The following AP5M1 variants were observed in gnomAD, a reference collection of about 807,000 sequenced individuals.
AP5M1 encodes AP-5 complex subunit mu-1.
Under a neutral mutation model 52.3 loss-of-function variants are expected in AP5M1, and 44 were observed. The observed-to-expected ratio is 0.84, with a 90% CI of 0.66 to 1.08. The LOEUF is 1.08. AP5M1 is among the 50% of genes least tolerant of loss of function. AP5M1 has a pLI of 0.00. For synonymous variants in AP5M1, 213 were observed against 199.0 expected, an observed-to-expected ratio of 1.07 and a Z score of -0.59; for missense variants, 526 against 568.4, an observed-to-expected ratio of 0.93 and a Z score of 0.76.
At position 57,290,345 on chromosome 14, in the gene AP5M1, T is replaced by C. The variant is rs1166874874; in HGVS notation, c.*1461T>C. 6.6e-6 allele frequency: 1 copy of C among 152,008 alleles called. No individual in the cohort carries two copies. Among genetic ancestry groups the C allele is most frequent in the Non-Finnish European group, 1.5e-5 (1 of 67,926 alleles). The allele number at this position is 152,008 out of a possible 1,614,324, so 9.4% of individuals were successfully genotyped here. On this transcript the variant is annotated 3_prime_UTR_variant, in exon 8 of 8. Coordinates refer to ENST00000261558, the MANE Select transcript of AP5M1 (RefSeq NM_018229.4). ...CAGGATTTTAACTTGTTATTCTAGC[T>C]TAATCATAGATAATCAGCAGTGAAA...
chr14:57,295,934 A>C lies in AP5M1; in HGVS notation c.*7050A>C, dbSNP rs1032374256. 2.0e-5 allele frequency: 3 copies of C among 152,006 alleles called. No individual in the cohort carries two copies. The highest frequency in any genetic ancestry group is 7.2e-5 in the African/African-American group (3 of 41,432). The allele number at this position is 152,006 out of a possible 1,614,324, so 9.4% of individuals were successfully genotyped here. A position where few individuals can be genotyped will look rare whatever the true frequency, so the allele number is the denominator to read the frequency against. On this transcript the variant is annotated 3_prime_UTR_variant, in exon 8 of 8. Coordinates refer to ENST00000261558, the MANE Select transcript of AP5M1 (RefSeq NM_018229.4). Reference sequence around the variant, plus strand: ...GGAGAAATACCGGTTGATTATTGTGATAACTTTTGAGAGCTACAGTTATTT... The same window carrying C: ...GGAGAAATACCGGTTGATTATTGTGCTAACTTTTGAGAGCTACAGTTATTT...
chr14:57,291,008 A>G lies in AP5M1; in HGVS notation c.*2124A>G, dbSNP rs773889362. The G allele has an allele frequency of 3.3e-5, 5 of 151,902 alleles. No individual in the cohort carries two copies. Among genetic ancestry groups the G allele is most frequent in the Non-Finnish European group, 7.4e-5 (5 of 67,872 alleles). 9.4% of individuals were successfully genotyped at this position (151,902 alleles called of 1,614,324 possible). On this transcript the variant is annotated 3_prime_UTR_variant, in exon 8 of 8. Coordinates refer to ENST00000261558, the MANE Select transcript of AP5M1 (RefSeq NM_018229.4). ...TTCTTCAGAGTCCGTTGCCACAATT[A>G]AAGAAGAAACAGCTGCATTTCAAAG...
chr14:57,285,992 C>T (rs1195633070), intron 6 of AP5M1, among the ~76,000 whole-genome samples: 1 of 151,944 alleles, frequency 6.6e-6, no homozygotes, highest in Non-Finnish European at 1.5e-5. Context: ...TTAAGTACTT[C>T]ATAATGACAG....
chr14:57,270,422 A>G (rs955613365), intron 1 of AP5M1, among the ~76,000 whole-genome samples: 9 of 152,200 alleles, frequency 5.9e-5, no homozygotes. Context: ...GTGAAGTAGT[A>G]CCATAGTAGA....
In AP5M1 at chr14:57,274,596, T is replaced by C. The variant is rs1287177657; in HGVS notation, c.427T>C (p.Tyr143His). Residue 143 changes from tyrosine (Y) to histidine (H), a missense_variant, in exon 2 of 8, where the codon TAT (tyrosine) becomes CAT (histidine). Tyr to His is a moderately conservative substitution (Grantham distance 83). Transcript: ENST00000261558. ...TCTTTTTGGGATACAGGATTTTCTT[T>C]ATTCAGGTCAAAAAAATGACTCTGA... ...EFLFGIQDFLYSGQKNDSELN... is the reference protein window; with the variant it reads ...EFLFGIQDFLHSGQKNDSELN... The C allele has an allele frequency of 2.5e-6, 4 of 1,614,100 alleles. No homozygotes were observed. The Admixed American group carries it at 6.7e-5, about 27-fold the overall frequency.
At position 57,282,923 on chromosome 14, in the gene AP5M1, T is replaced by C. The variant is rs1885217706; in HGVS notation, c.1089-11T>C. 2.6e-6 allele frequency: 4 copies of C among 1,542,590 alleles called. No individual in the cohort carries two copies. The highest frequency in any genetic ancestry group is 2.6e-6 in the Non-Finnish European group (3 of 1,136,044). The stretch of plus-strand genomic sequence containing the variant: ...ATGATCTTTTTCTATTTTATCCTTT[T>C]CTTTTTAAAGAGGTCCAATTACACA... On this transcript the variant is annotated splice_polypyrimidine_tract_variant and intron_variant, in intron 4 of 7. Transcript: ENST00000261558.
chr14:57,285,312 C>T (rs185218037), intron 6 of AP5M1, among the ~76,000 whole-genome samples: 1 of 152,254 alleles, frequency 6.6e-6, no homozygotes, highest in African/African-American at 2.4e-5. Context: ...CATTCTATGT[C>T]CTTCAAAAGT....
chr14:57,288,866 T>A lies in AP5M1; in HGVS notation c.1455T>A (p.Tyr485Ter). The A allele has an allele frequency of 6.4e-7, 1 of 1,556,568 alleles. No individual in the cohort carries two copies. The highest frequency in any genetic ancestry group is 8.8e-7 in the Non-Finnish European group (1 of 1,132,226). ...CTAAAGCCCCTGCTCCAGTAACATATGGATCATTATTATTGTAATAGTCTC... is the reference window on the plus strand; with the variant it reads ...CTAAAGCCCCTGCTCCAGTAACATAAGGATCATTATTATTGTAATAGTCTC... ...WNSKAPAPVTYGSLLL is the reference protein window; with the variant it reads ...WNSKAPAPVT The change falls in exon 8 of 8, where the codon TAT becomes TAA. Residue 485 changes from tyrosine to a stop codon, truncating the protein, a stop_gained. Transcript: ENST00000261558. LOFTEE classifies it high-confidence loss of function.
intron 1 of AP5M1, 92 bp downstream of exon 1, chr14:57,269,480 G>C: frequency 7.9e-7 from 1 of 1,269,190 alleles, no homozygotes; most frequent in Non-Finnish European, 1.1e-6. Flanking sequence ...GGTTTGCCAC[G>C]AATAGCTGCG....
At position 57,290,979 on chromosome 14, in the gene AP5M1, T is replaced by C. The variant is rs1214847508; in HGVS notation, c.*2095T>C. 1 of 151,922 alleles carries C rather than the reference T, an allele frequency of 6.6e-6. No homozygotes were observed. The highest frequency in any genetic ancestry group is 2.4e-5 in the African/African-American group (1 of 41,414). 9.4% of individuals were successfully genotyped at this position (151,922 alleles called of 1,614,324 possible). On this transcript the variant is annotated 3_prime_UTR_variant, in exon 8 of 8. Coordinates refer to ENST00000261558, the MANE Select transcript of AP5M1 (RefSeq NM_018229.4). ...TTACTCATCTTTAAGGCTGGACCTTTCCTTTCTTCAGAGTCCGTTGCCACA... is the reference window on the plus strand; with the variant it reads ...TTACTCATCTTTAAGGCTGGACCTTCCCTTTCTTCAGAGTCCGTTGCCACA...
chr14:57,277,450 C>A (rs183379114), intron 2 of AP5M1, among the ~76,000 whole-genome samples: 1 of 152,194 alleles, frequency 6.6e-6, no homozygotes, highest in African/African-American at 2.4e-5. Context: ...AACTACTTTT[C>A]ATTTATTCTT....
At chr14:57,280,766 G>C (rs539888412) in intron 3 of AP5M1, among the ~76,000 whole-genome samples, 1 of 151,820 alleles carries the variant, frequency 6.6e-6, no homozygotes, top group South Asian at 2.1e-4. Context: ...CAGGAGAATC[G>C]CTTGAACCCA....
Position 57,283,119 on chromosome 14 carries a change from GT to G in AP5M1, c.1184del (p.Phe395SerfsTer13). ...SLLIWIIGQK[F>X]PKSMEISLSG... is the part of the protein sequence containing the mutation. ...GGTATATTTGTGTTTTAGGCCAGAA[GT>G]TCCCAAAATCAATGGAAATTAGTCT... is the stretch of plus-strand genomic sequence containing the variant. On this transcript the variant is annotated frameshift_variant, in exon 6 of 8. Transcript: ENST00000261558. LOFTEE classifies it high-confidence loss of function. 6.2e-7 allele frequency: 1 copy of G among 1,611,234 alleles called. No individual in the cohort carries two copies. The highest frequency in any genetic ancestry group is 8.5e-7 in the Non-Finnish European group (1 of 1,178,880).
intron 3 of AP5M1, among the ~76,000 whole-genome samples, chr14:57,281,390 G>A (rs892941790): frequency 2.6e-5 from 4 of 152,184 alleles, no homozygotes; most frequent in Non-Finnish European, 4.4e-5. Context: ...CTTAAGTAGA[G>A]CAAATTTATT....
At chr14:57,279,278 A>G (rs1185069597) in intron 2 of AP5M1, among the ~76,000 whole-genome samples, 2 of 152,204 alleles carry the variant, frequency 1.3e-5, no homozygotes, top group East Asian at 1.9e-4. Flanking sequence ...TGGAATCAAC[A>G]TAAGTGCCTA....
chr14:57,291,872 T>A lies in AP5M1; in HGVS notation c.*2988T>A, dbSNP rs1181035259. The stretch of plus-strand genomic sequence containing the variant: ...CCTGGGAGCTAGGTAGGTGGAATTA[T>A]CATCCAGGCCTTCTGTAGGGACTGC... On this transcript the variant is annotated 3_prime_UTR_variant, in exon 8 of 8. Coordinates refer to ENST00000261558, the MANE Select transcript of AP5M1 (RefSeq NM_018229.4). 1 of 151,778 alleles carries A rather than the reference T, an allele frequency of 6.6e-6. No individual in the cohort carries two copies. The highest frequency in any genetic ancestry group is 2.4e-5 in the African/African-American group (1 of 41,388). 9.4% of individuals were successfully genotyped at this position (151,778 alleles called of 1,614,324 possible). A position where few individuals can be genotyped will look rare whatever the true frequency, so the allele number is the denominator to read the frequency against.
chr14:57,282,002 C>A, intron 3 of AP5M1, 87 bp from the exon 4 acceptor site: 1 of 1,152,144 alleles, frequency 8.7e-7, no homozygotes, highest in Non-Finnish European at 1.2e-6. Context: ...ATCTCCAAGT[C>A]ATTAAAAGTA....
In AP5M1 at chr14:57,273,599, C is replaced by G. The variant is rs1027564812; in HGVS notation, c.75-645C>G. ...ATTAGTAACTGCTTACAGTTCAACT[C>G]AGAATATGCAAAAACATTCTGATTT... On this transcript the variant is annotated intron_variant, in intron 1 of 7. Coordinates refer to ENST00000261558, the MANE Select transcript of AP5M1 (RefSeq NM_018229.4). The G allele has an allele frequency of 2.5e-5, 15 of 591,588 alleles. No individual in the cohort carries two copies. The South Asian group carries it at 3.1e-4, about 12-fold the overall frequency. The allele number at this position is 591,588 out of a possible 1,614,324, so 36.6% of individuals were successfully genotyped here.
chr14:57,290,405 A>G lies in AP5M1; in HGVS notation c.*1521A>G, dbSNP rs1236784052. On this transcript the variant is annotated 3_prime_UTR_variant, in exon 8 of 8. Coordinates refer to ENST00000261558, the MANE Select transcript of AP5M1 (RefSeq NM_018229.4). The stretch of plus-strand genomic sequence containing the variant: ...TTGAAAGAAGAAAATATCATTCCCT[A>G]TAAGTTATTTGATCTCTCTTAAACT... 5 of 151,982 alleles carry G rather than the reference A, an allele frequency of 3.3e-5. No individual in the cohort carries two copies. Among genetic ancestry groups the G allele is most frequent in the African/African-American group, 9.7e-5 (4 of 41,436 alleles). 9.4% of individuals were successfully genotyped at this position (151,982 alleles called of 1,614,324 possible).
Sources: allele counts gnomAD v4.1 joint callset (sites outside exome capture counted in the v4.1 genomes callset), GRCh38; gene constraint gnomAD v4.1.1; transcripts MANE v1.5; gene names NCBI Gene and HGNC (gene_info 2026-07-23, HGNC 2026-07-21).